VDAC1: variants seen among roughly 807,000 people sequenced by gnomAD.
VDAC1 encodes non-selective voltage-gated ion channel VDAC1.
In VDAC1, 10 loss-of-function variants were observed where a neutral mutation model predicts 34.7. The ratio of observed to expected loss-of-function variants is 0.29; its 90% CI spans 0.18 to 0.49. The LOEUF (loss-of-function observed/expected upper bound fraction) is 0.49, where lower values mean the gene tolerates loss of function less well. Among genes scored for constraint, VDAC1 ranks in the 20% least tolerant of loss-of-function variants. VDAC1 has a pLI of 0.99. For missense variants in VDAC1, 230 were observed against 347.9 expected, an observed-to-expected ratio of 0.66 and a Z score of 2.69; for synonymous variants, 130 against 136.0, an observed-to-expected ratio of 0.96 and a Z score of 0.30.
the VDAC1 span, among the ~76,000 whole-genome samples, chr5:134,055,588 G>GTTTTTGTTT: frequency 8.4e-5 from 5 of 59,616 alleles, no homozygotes; most frequent in African/African-American, 3.6e-4. Context: ...CCCCGCTAAT[G>GTTTTTGTTT]TTTTTTTTTT....
chr5:134,058,735 C>A, the VDAC1 span, among the ~76,000 whole-genome samples: 4 of 152,184 alleles, frequency 2.6e-5, no homozygotes, highest in Non-Finnish European at 5.9e-5. Context: ...AAAGATGGAG[C>A]CTATCATTCC....
At chr5:133,990,454 TAGG>T (rs1278129902) in intron 5 of VDAC1, among the ~76,000 whole-genome samples, 1 of 152,174 alleles carries the variant, frequency 6.6e-6, no homozygotes. Flanking sequence ...TGGCAGAAAC[TAGG>T]AGAACACTAA....
At chr5:134,069,667 C>T in the VDAC1 span, among the ~76,000 whole-genome samples, 964 of 152,172 alleles carry the variant, frequency 6.3e-3, 11 homozygotes, top group African/African-American at 0.021. Context: ...TATTTCTCTA[C>T]CTTTGAGGGT....
chr5:134,069,010 G>GTGTGTT, the VDAC1 span, among the ~76,000 whole-genome samples: 1 of 135,408 alleles, frequency 7.4e-6, no homozygotes, highest in Non-Finnish European at 1.6e-5. Context: ...GTGTGTGTGT[G>GTGTGTT]TTCACGTGCG....
chr5:134,037,787 C>A, the VDAC1 span, among the ~76,000 whole-genome samples: 1 of 152,088 alleles, frequency 6.6e-6, no homozygotes, highest in Non-Finnish European at 1.5e-5. Context: ...TGATGTCCTG[C>A]AATAAATGCC....
the VDAC1 span, among the ~76,000 whole-genome samples, chr5:134,017,414 C>A: frequency 6.6e-6 from 1 of 151,972 alleles, no homozygotes; most frequent in Non-Finnish European, 1.5e-5. Context: ...TGAGATCACA[C>A]CATCGCACTC....
chr5:134,081,089 G>A, the VDAC1 span, among the ~76,000 whole-genome samples: 1 of 150,938 alleles, frequency 6.6e-6, no homozygotes, highest in Admixed American at 6.6e-5. Context: ...CCAGGCTGGA[G>A]TGCAATGGCG....
chr5:133,994,013 CAGA>C (rs1187461390), intron 1 of VDAC1, among the ~76,000 whole-genome samples: 1 of 152,186 alleles, frequency 6.6e-6, no homozygotes, highest in African/African-American at 2.4e-5. Flanking sequence ...TAGTCTCAAC[CAGA>C]AGGACCATTC....
At chr5:134,092,100 A>G in the VDAC1 span, among the ~76,000 whole-genome samples, 1 of 152,188 alleles carries the variant, frequency 6.6e-6, no homozygotes, top group African/African-American at 2.4e-5. Context: ...ATGAGGAACC[A>G]AGGCTCATTG....
the VDAC1 span, among the ~76,000 whole-genome samples, chr5:134,073,827 G>A: frequency 7.9e-5 from 12 of 151,532 alleles, no homozygotes; most frequent in Middle Eastern, 3.4e-3. Flanking sequence ...GTGTGTGTGT[G>A]TATATCCCAA....
At chr5:134,033,429 T>TG in the VDAC1 span, among the ~76,000 whole-genome samples, 1 of 151,656 alleles carries the variant, frequency 6.6e-6, no homozygotes, top group Non-Finnish European at 1.5e-5. Flanking sequence ...GTGCTGGGAT[T>TG]ACAGGCATGA....
At chr5:134,062,034 A>G in the VDAC1 span, among the ~76,000 whole-genome samples, 7 of 151,456 alleles carry the variant, frequency 4.6e-5, no homozygotes, top group South Asian at 1.5e-3. Context: ...GCTGGAGTGC[A>G]GTGGTATGAT....
At chr5:134,040,608 C>T in the VDAC1 span, among the ~76,000 whole-genome samples, 8 of 151,746 alleles carry the variant, frequency 5.3e-5, no homozygotes, top group African/African-American at 1.2e-4. Context: ...CATGGTGCCA[C>T]GTGCCTGTGG....
At chr5:133,997,781 T>C (rs961662368) in intron 1 of VDAC1, among the ~76,000 whole-genome samples, 7 of 142,390 alleles carry the variant, frequency 4.9e-5, no homozygotes, top group Non-Finnish European at 9.2e-5. Flanking sequence ...GAAGCTACGA[T>C]AGCCGTGCGC....
At chr5:134,097,874 T>C in the VDAC1 span, among the ~76,000 whole-genome samples, 1 of 152,062 alleles carries the variant, frequency 6.6e-6, no homozygotes, top group Non-Finnish European at 1.5e-5. Flanking sequence ...TTTTTCTTTC[T>C]TTCTTTTTTT....
At chr5:133,980,606 T>C in intron 6 of VDAC1, 123 bp downstream of exon 6, 1 of 846,446 alleles carries the variant, frequency 1.2e-6, no homozygotes. Context: ...ACAAACTCAC[T>C]TTACAGTGGT....
intron 5 of VDAC1, among the ~76,000 whole-genome samples, chr5:133,986,435 C>A (rs1436232018): frequency 6.6e-6 from 1 of 151,824 alleles, no homozygotes. Flanking sequence ...CTTGCTCTGT[C>A]GCCCACATTG....
the VDAC1 span, among the ~76,000 whole-genome samples, chr5:134,017,956 C>T: frequency 6.6e-6 from 1 of 152,170 alleles, no homozygotes. Flanking sequence ...TGATGAATGA[C>T]GTGTGGCATA....
At position 133,980,752 on chromosome 5, in the gene VDAC1, A is replaced by G; in HGVS notation, c.528T>C (p.Asp176=). The stretch of plus-strand genomic sequence containing the variant: ...ACACATTAGTGTGAAGCTGGAATTC[A>G]TCAGTCTTGTAGCCAACTGCAAAGT... ...QSNFAVGYKT[D]EFQLHTNVND... is the part of the protein sequence containing the mutation. The change falls in exon 6 of 9, where the codon GAT becomes GAC. Residue 176 remains aspartate, a synonymous_variant. Transcript: ENST00000265333. 6.3e-7 allele frequency: 1 copy of G among 1,581,092 alleles called. No individual in the cohort carries two copies. The highest frequency in any genetic ancestry group is 1.1e-5 in the South Asian group (1 of 90,390).
Sources: allele counts gnomAD v4.1 joint callset (sites outside exome capture counted in the v4.1 genomes callset), GRCh38; gene constraint gnomAD v4.1.1; transcripts MANE v1.5; gene names NCBI Gene and HGNC (gene_info 2026-07-23, HGNC 2026-07-21).